Variants in CASQ2 observed in about 807,000 individuals in gnomAD.
CASQ2 encodes the protein calsequestrin 2.
In CASQ2, 49 loss-of-function variants were observed where a neutral mutation model predicts 46.5. The ratio of observed to expected loss-of-function variants is 1.05; its 90% CI spans 0.84 to 1.34. CASQ2 has a LOEUF of 1.34. CASQ2 is among the 40% of genes most tolerant of loss of function. The pLI, the probability that CASQ2 is intolerant of heterozygous loss-of-function variation, is 0.00. For synonymous variants in CASQ2, 174 were observed against 168.5 expected (o/e 1.03, Z -0.25); for missense variants, 486 against 481.3 (o/e 1.01, Z -0.09).
At chr1:115,714,148 C>A (rs72703620) in intron 8 of CASQ2, among the ~76,000 whole-genome samples, 68 of 152,316 alleles carry the variant, frequency 4.5e-4, no homozygotes, top group Non-Finnish European at 8.4e-4. Flanking sequence ...CAACTTCATG[C>A]TTCCCAGTGA....
At chr1:115,704,194 A>G (rs1654296179) in intron 9 of CASQ2, among the ~76,000 whole-genome samples, 1 of 152,312 alleles carries the variant, frequency 6.6e-6, no homozygotes, top group Non-Finnish European at 1.5e-5. Flanking sequence ...CTATTTAATC[A>G]CAGTATCATC....
intron 5 of CASQ2, among the ~76,000 whole-genome samples, chr1:115,730,815 C>T (rs1302172354): frequency 1.3e-5 from 2 of 152,164 alleles, no homozygotes; most frequent in Non-Finnish European, 1.5e-5. Context: ...CTTGCCTCTC[C>T]TGGTTTCAGA....
intron 1 of CASQ2, among the ~76,000 whole-genome samples, chr1:115,749,441 C>T (rs1648499881): frequency 6.6e-6 from 1 of 152,168 alleles, no homozygotes; most frequent in Non-Finnish European, 1.5e-5. Flanking sequence ...TAAATACAGC[C>T]AATCACTGTC....
At chr1:115,744,524 C>A (rs1193063695) in intron 2 of CASQ2, among the ~76,000 whole-genome samples, 1 of 152,204 alleles carries the variant, frequency 6.6e-6, no homozygotes, top group African/African-American at 2.4e-5. Flanking sequence ...AGAAGCTGGA[C>A]TTTTAGCTTG....
intron 8 of CASQ2, among the ~76,000 whole-genome samples, chr1:115,705,838 T>C (rs1416292770): frequency 7.2e-6 from 1 of 139,692 alleles, no homozygotes; most frequent in Non-Finnish European, 1.6e-5. Flanking sequence ...CCCTATTTCC[T>C]TGTATACTGG....
intron 8 of CASQ2, among the ~76,000 whole-genome samples, chr1:115,709,963 C>T (rs926532777): frequency 2.0e-5 from 3 of 152,112 alleles, no homozygotes; most frequent in African/African-American, 7.2e-5. Flanking sequence ...CTATTTCAGC[C>T]TCCTAAGTAG....
chr1:115,761,488 GA>G (rs1648953630), intron 1 of CASQ2, among the ~76,000 whole-genome samples: 4 of 13,130 alleles, frequency 3.0e-4, no homozygotes, highest in African/African-American at 7.9e-4. Context: ...GAAGAAGAAG[GA>G]GAAGAAGGAG....
At chr1:115,721,941 C>T (rs1301636063) in intron 7 of CASQ2, among the ~76,000 whole-genome samples, 6 of 152,182 alleles carry the variant, frequency 3.9e-5, no homozygotes, top group Non-Finnish European at 7.3e-5. Flanking sequence ...GCTGTGGCCA[C>T]GTGGCCCACA....
rs1649205411 is a variant in CASQ2 at position 115,768,466 on chromosome 1, G to C, written c.76C>G (p.Pro26Ala). 2 of 1,613,676 alleles carry C rather than the reference G, an allele frequency of 1.2e-6. No individual in the cohort carries two copies. Among genetic ancestry groups the C allele is most frequent in the African/African-American group, 2.7e-5 (2 of 74,876 alleles). ...ACTCGGTCCTTCCCATCATATGTGG[G>C]GAAATTAAGCCCCTCTTCTGCCCTG... ...SCRAEEGLNF[P>A]TYDGKDRVVS... The change falls in exon 1 of 11, where the codon CCC becomes GCC. Residue 26 changes from proline (P) to alanine (A), a missense_variant. Coordinates refer to ENST00000261448, the MANE Select transcript of CASQ2 (RefSeq NM_001232.4).
In CASQ2 at chr1:115,701,125, G is replaced by A. The variant is rs1407778385; in HGVS notation, c.*116C>T. ...CAAAGGGAGTGGGAAAAGAGATGAT[G>A]GAAAAGGGAAAGGAGCTGGCTGGGT... On this transcript the variant is annotated 3_prime_UTR_variant, in exon 11 of 11. Transcript: ENST00000261448. The A allele has an allele frequency of 8.0e-6, 12 of 1,509,288 alleles. No individual in the cohort carries two copies. The Admixed American group carries it at 1.8e-4, about 23-fold the overall frequency. 93.5% of individuals were successfully genotyped at this position (1,509,288 alleles called of 1,614,324 possible). A position where few individuals can be genotyped will look rare whatever the true frequency, so the allele number is the denominator to read the frequency against.
In CASQ2 at chr1:115,725,557, GAAAA is replaced by G. The variant is rs56889721; in HGVS notation, c.738-8_738-5del. The G allele has an allele frequency of 0.013, 18,219 of 1,370,536 alleles. No homozygotes were observed. Among genetic ancestry groups the G allele is most frequent in the Middle Eastern group, 0.022 (83 of 3,788 alleles). The allele number at this position is 1,370,536 out of a possible 1,614,324, so 84.9% of individuals were successfully genotyped here. A position where few individuals can be genotyped will look rare whatever the true frequency, so the allele number is the denominator to read the frequency against. ...GCGCAGGCGACGTAGAGTGGGTCTG[GAAAA>G]AAAAAAAAAAAAAAAAAAAGAAAGA... is the stretch of plus-strand genomic sequence containing the variant. On this transcript the variant is annotated splice_region_variant and splice_polypyrimidine_tract_variant and intron_variant, in intron 6 of 10. Coordinates refer to ENST00000261448, the MANE Select transcript of CASQ2 (RefSeq NM_001232.4).
intron 1 of CASQ2, among the ~76,000 whole-genome samples, chr1:115,761,438 G>A (rs1397301965): frequency 1.0e-4 from 1 of 9,726 alleles, no homozygotes; most frequent in African/African-American, 6.6e-4. Flanking sequence ...AGAAGAAGAA[G>A]AAAGAAGAAG....
At chr1:115,733,268 AC>A (rs1647849401) in intron 4 of CASQ2, among the ~76,000 whole-genome samples, 2 of 152,162 alleles carry the variant, frequency 1.3e-5, no homozygotes, top group Admixed American at 1.3e-4. Context: ...AGAGAAAAAG[AC>A]GCGTAAAACT....
At chr1:115,729,135 C>T (rs1327914524) in intron 5 of CASQ2, among the ~76,000 whole-genome samples, 2 of 149,400 alleles carry the variant, frequency 1.3e-5, no homozygotes, top group African/African-American at 2.5e-5. Context: ...CTGCAATCTC[C>T]GCTTCCCAGG....
chr1:115,764,137 G>GA (rs1338986217), intron 1 of CASQ2, among the ~76,000 whole-genome samples: 2 of 152,026 alleles, frequency 1.3e-5, no homozygotes, highest in Non-Finnish European at 2.9e-5. Flanking sequence ...GAATTTTATA[G>GA]AAAACTTTAG....
intron 9 of CASQ2, 65 bp from the exon 10 acceptor site, chr1:115,703,060 G>A (rs370323174): frequency 2.8e-5 from 36 of 1,281,582 alleles, no homozygotes; most frequent in Admixed American, 7.7e-5. Flanking sequence ...GGACCCACCC[G>A]CCGTCCCATC....
At chr1:115,717,925 T>A (rs757178331) in intron 7 of CASQ2, 31 bp from the exon 8 acceptor site, 14 of 1,472,534 alleles carry the variant, frequency 9.5e-6, no homozygotes, top group South Asian at 7.9e-5. Context: ...AAGTTACACT[T>A]CCAGCTGGAG....
intron 4 of CASQ2, 57 bp downstream of exon 4, chr1:115,738,167 T>A (rs1648028559): frequency 2.9e-6 from 3 of 1,048,766 alleles, no homozygotes; most frequent in Non-Finnish European, 3.0e-6. Context: ...TAACCTGACA[T>A]ACCTTGTTTG....
intron 5 of CASQ2, chr1:115,732,227 T>G (rs1275419252): frequency 6.6e-6 from 1 of 152,492 alleles, no homozygotes; most frequent in African/African-American, 2.4e-5. Flanking sequence ...TAATAGACAC[T>G]TAATACATGA....
Sources: gnomAD v4.1 joint callset for allele counts (sites outside exome capture counted in the v4.1 genomes callset) on GRCh38, gnomAD v4.1.1 for gene constraint, MANE v1.5 for transcripts, NCBI Gene and HGNC (gene_info 2026-07-23, HGNC 2026-07-21) for gene names.